The following PARP8 variants were observed in gnomAD, a reference collection of about 807,000 sequenced individuals.
PARP8 encodes poly(ADP-ribose) polymerase family member 8.
Under a neutral mutation model 124.1 loss-of-function variants are expected in PARP8, and 51 were observed. The observed-to-expected ratio is 0.41, with a 90% CI of 0.33 to 0.52. The LOEUF is 0.52. PARP8 is among the 20% of genes least tolerant of loss of function. The probability of loss-of-function intolerance (pLI) is 0.21; values close to 1 mark genes in which losing one functional copy is unlikely to be tolerated. For synonymous variants in PARP8, 391 were observed against 361.5 expected (o/e 1.08, Z -0.93); for missense variants, 860 against 1,018.9 (o/e 0.84, Z 2.12).
At chr5:50,758,221 A>G (rs1760172232) in intron 3 of PARP8, among the ~76,000 whole-genome samples, 1 of 152,184 alleles carries the variant, frequency 6.6e-6, no homozygotes, top group Non-Finnish European at 1.5e-5. Flanking sequence ...CTGTGGTCCC[A>G]CTCGATAAGC....
chr5:50,804,549 G>A (rs1308359928), intron 14 of PARP8, among the ~76,000 whole-genome samples: 1 of 152,102 alleles, frequency 6.6e-6, no homozygotes, highest in Non-Finnish European at 1.5e-5. Flanking sequence ...CATGGCTCTA[G>A]TATATCTACT....
chr5:50,727,152 A>T (rs956861828), intron 2 of PARP8, among the ~76,000 whole-genome samples: 2 of 152,084 alleles, frequency 1.3e-5, no homozygotes, highest in African/African-American at 4.8e-5. Flanking sequence ...TAATCATTTT[A>T]TCTTTAGTTT....
chr5:50,768,308 C>T (rs1293736386), intron 7 of PARP8, among the ~76,000 whole-genome samples: 3 of 151,616 alleles, frequency 2.0e-5, no homozygotes, highest in African/African-American at 7.3e-5. Context: ...CACAGTGGCT[C>T]AAAGTCCATA....
At chr5:50,730,888 G>A (rs1291424531) in intron 2 of PARP8, among the ~76,000 whole-genome samples, 3 of 152,308 alleles carry the variant, frequency 2.0e-5, no homozygotes, top group African/African-American at 4.8e-5. Flanking sequence ...CAGAAGACAA[G>A]GAAGTAATGT....
intron 9 of PARP8, among the ~76,000 whole-genome samples, chr5:50,784,848 A>C (rs984301790): frequency 1.1e-4 from 16 of 152,096 alleles, no homozygotes; most frequent in African/African-American, 3.9e-4. Context: ...GCATAATTAG[A>C]CTTTTGTAGT....
intron 2 of PARP8, among the ~76,000 whole-genome samples, chr5:50,684,451 G>T (rs35297691): frequency 3.3e-5 from 5 of 151,672 alleles, no homozygotes; most frequent in Middle Eastern, 3.4e-3. Context: ...TATGAAATCA[G>T]GGGCTGAAAA....
chr5:50,745,892 C>T (rs934406256), intron 2 of PARP8, among the ~76,000 whole-genome samples: 1 of 152,128 alleles, frequency 6.6e-6, no homozygotes, highest in Admixed American at 6.5e-5. Flanking sequence ...TACATTTCCC[C>T]CCAGCTTGTT....
chr5:50,712,502 T>C (rs745911525), intron 2 of PARP8, among the ~76,000 whole-genome samples: 7 of 152,144 alleles, frequency 4.6e-5, no homozygotes, highest in East Asian at 3.9e-4. Flanking sequence ...ATGTACAAAA[T>C]AGTAAAAGTT....
chr5:50,791,687 A>T (rs1035617308), intron 10 of PARP8, among the ~76,000 whole-genome samples: 6 of 149,810 alleles, frequency 4.0e-5, no homozygotes, highest in Non-Finnish European at 6.0e-5. Flanking sequence ...ATAATCTTCG[A>T]CTTTTGTATG....
chr5:50,774,186 A>C (rs1016112660), intron 7 of PARP8, among the ~76,000 whole-genome samples: 15 of 152,252 alleles, frequency 9.9e-5, no homozygotes, highest in African/African-American at 3.6e-4. Flanking sequence ...ATCCCAAGGC[A>C]GAAGAATTTT....
At chr5:50,768,762 A>T (rs554377104) in intron 7 of PARP8, among the ~76,000 whole-genome samples, 101 of 152,282 alleles carry the variant, frequency 6.6e-4, no homozygotes, top group African/African-American at 2.3e-3. Context: ...TTATTCAGAT[A>T]TAGAAGCAAT....
At chr5:50,827,804 T>C (rs1746511120) in intron 19 of PARP8, 140 bp from the exon 20 acceptor site, 2 of 626,424 alleles carry the variant, frequency 3.2e-6, no homozygotes, top group African/African-American at 3.7e-5. Context: ...TTATACAAAT[T>C]AGCTTGCTAA....
chr5:50,742,739 C>T (rs1758175675), intron 2 of PARP8, among the ~76,000 whole-genome samples: 2 of 152,130 alleles, frequency 1.3e-5, no homozygotes, highest in Admixed American at 6.5e-5. Flanking sequence ...TGTAGGGCAC[C>T]AGGCCCCTTA....
intron 7 of PARP8, among the ~76,000 whole-genome samples, chr5:50,774,807 A>C (rs1433612135): frequency 1.3e-5 from 1 of 77,778 alleles, no homozygotes; most frequent in African/African-American, 5.1e-5. Context: ...TTCCCAGACG[A>C]GGCGGCCGGG....
chr5:50,725,754 G>T (rs1488197162), intron 2 of PARP8, among the ~76,000 whole-genome samples: 2 of 152,130 alleles, frequency 1.3e-5, no homozygotes, highest in Admixed American at 1.3e-4. Flanking sequence ...TAGTTAAATT[G>T]CAATAGAAGT....
rs567112000 is a variant in PARP8, at chr5:50,671,020, A to G, written c.146+2895A>G. 3.5e-4 allele frequency among the ~76,000 whole-genome samples: 53 copies of G among 152,332 alleles called. No individual in the cohort carries two copies. In the South Asian group the frequency reaches 0.011, roughly 31 times the overall value. On this transcript the variant is annotated intron_variant, in intron 2 of 25. Transcript: ENST00000281631. The stretch of plus-strand genomic sequence containing the variant: ...GACTCCTTGGAATAGCTCCACAGCT[A>G]TCAGTGGTTCTGCCACAGGTTCAGA...
At chr5:50,732,737 G>A (rs1022601702) in intron 2 of PARP8, among the ~76,000 whole-genome samples, 18 of 151,678 alleles carry the variant, frequency 1.2e-4, no homozygotes, top group Admixed American at 3.9e-4. Flanking sequence ...TCCTGCCTCA[G>A]CCTCCTGAGT....
In PARP8 at chr5:50,807,599, A is replaced by C. The variant is rs554071335; in HGVS notation, c.1576-7833A>C. Reference sequence around the variant, plus strand: ...ACTTATTGTCAGAAATGCCAGTTTTATCAGCCTCTAAATTCCTAATGCCCT... The same window carrying C: ...ACTTATTGTCAGAAATGCCAGTTTTCTCAGCCTCTAAATTCCTAATGCCCT... On this transcript the variant is annotated intron_variant, in intron 14 of 25. Coordinates refer to ENST00000281631, the MANE Select transcript of PARP8 (RefSeq NM_024615.4). Among the ~76,000 whole-genome samples the C allele has an allele frequency of 2.6e-5, 4 of 152,234 alleles. No homozygotes were observed. The South Asian group carries it at 8.3e-4, about 32-fold the overall frequency.
intron 2 of PARP8, among the ~76,000 whole-genome samples, chr5:50,696,436 C>T (rs1290639668): frequency 3.9e-5 from 6 of 152,220 alleles, no homozygotes; most frequent in Admixed American, 2.0e-4. Context: ...AATCCTCATT[C>T]CAGAAGCCCA....
Sources: gnomAD v4.1 joint callset for allele counts (sites outside exome capture counted in the v4.1 genomes callset) on GRCh38, gnomAD v4.1.1 for gene constraint, MANE v1.5 for transcripts, NCBI Gene and HGNC (gene_info 2026-07-23, HGNC 2026-07-21) for gene names.